Variants in SP4 observed in about 807,000 individuals in gnomAD.
The protein encoded by SP4 is transcription factor Sp4.
In SP4, 19 loss-of-function variants were observed where a neutral mutation model predicts 72.8. The observed-to-expected ratio is 0.26, with a 90% CI of 0.18 to 0.38. The LOEUF (loss-of-function observed/expected upper bound fraction) is 0.38. Ranked by LOEUF, SP4 falls within the 10% of genes least tolerant of loss-of-function variation. The pLI is 1.00. For synonymous variants in SP4, 395 were observed against 333.1 expected (o/e 1.19, Z -2.02); for missense variants, 1,008 against 926.3 (o/e 1.09, Z -1.14).
At chr7:21,464,901 A>G (rs756133254) in intron 3 of SP4, among the ~76,000 whole-genome samples, 14 of 152,238 alleles carry the variant, frequency 9.2e-5, no homozygotes, top group Non-Finnish European at 1.5e-4. Flanking sequence ...ACTATTTACA[A>G]TTTCACATAG....
chr7:21,461,108 C>G (rs1477623971), intron 3 of SP4, among the ~76,000 whole-genome samples: 2 of 152,224 alleles, frequency 1.3e-5, no homozygotes, highest in Non-Finnish European at 2.9e-5. Flanking sequence ...AAGTCCCCAC[C>G]AGACTCAGGA....
At chr7:21,438,855 A>G (rs968940956) in intron 3 of SP4, among the ~76,000 whole-genome samples, 12 of 152,216 alleles carry the variant, frequency 7.9e-5, no homozygotes, top group African/African-American at 2.9e-4. Context: ...CTGCTGTGGT[A>G]TCACAGTGTG....
chr7:21,453,870 A>C (rs1284659779), intron 3 of SP4, among the ~76,000 whole-genome samples: 1 of 152,182 alleles, frequency 6.6e-6, no homozygotes, highest in African/African-American at 2.4e-5. Context: ...TTAATATTTC[A>C]CACATCTGCC....
intron 2 of SP4, among the ~76,000 whole-genome samples, 190 bp from the exon 3 acceptor site, chr7:21,429,099 T>G (rs1199381572): frequency 6.6e-6 from 1 of 152,096 alleles, no homozygotes; most frequent in Non-Finnish European, 1.5e-5. Flanking sequence ...AACTTGATAT[T>G]ATAGGACTTG....
chr7:21,495,406 A>G (rs1781676168), intron 5 of SP4, among the ~76,000 whole-genome samples: 3 of 151,930 alleles, frequency 2.0e-5, no homozygotes, highest in African/African-American at 7.3e-5. Flanking sequence ...AAACAAATTT[A>G]ACAGTTTTTT....
At chr7:21,458,617 A>T (rs1326682687) in intron 3 of SP4, among the ~76,000 whole-genome samples, 1 of 152,148 alleles carries the variant, frequency 6.6e-6, no homozygotes, top group Non-Finnish European at 1.5e-5. Context: ...TTTGTGTCCA[A>T]GAAAATTAAT....
chr7:21,482,508 A>T (rs574433253), intron 5 of SP4: 1 of 312,020 alleles, frequency 3.2e-6, no homozygotes, highest in East Asian at 1.7e-4. Context: ...AATCCAGAAA[A>T]TTCACCAAAG....
intron 4 of SP4, among the ~76,000 whole-genome samples, chr7:21,478,479 T>A (rs1011851682): frequency 2.0e-5 from 3 of 148,630 alleles, no homozygotes; most frequent in African/African-American, 7.5e-5. Flanking sequence ...CCATTTAACA[T>A]TTCCATCAAT....
intron 4 of SP4, among the ~76,000 whole-genome samples, chr7:21,480,571 G>T (rs1196049679): frequency 2.0e-5 from 3 of 152,156 alleles, no homozygotes; most frequent in African/African-American, 7.2e-5. Flanking sequence ...GGTTGGTAGT[G>T]ATATCTCCTC....
chr7:21,428,302 CTCTCCCTCCCTCCCCAGACCCTGCTCGGT>C, intron 1 of SP4, 44 bp downstream of exon 1: 1 of 1,069,258 alleles, frequency 9.4e-7, no homozygotes, highest in Non-Finnish European at 1.4e-6. Context: ...CCGCCTCCCT[CTCTCCCTCCCTCCCCAGACCCTGCTCGGT>C]TCTCCCCCCT....
In SP4 at chr7:21,429,324, T is replaced by A. The variant is rs1000943488; in HGVS notation, c.159T>A (p.Ala53=). 6.2e-6 allele frequency: 10 copies of A among 1,608,906 alleles called. No homozygotes were observed. Among genetic ancestry groups the A allele is most frequent in the Non-Finnish European group, 8.5e-6 (10 of 1,177,080 alleles). ...SQPSPLALLA[A]TCSKIGTPGE... ...CCTCTCCTCTGGCTTTACTGGCAGC[T>A]ACTTGCAGCAAAATAGGGACTCCTG... is the stretch of plus-strand genomic sequence containing the variant. Residue 53 remains alanine, a synonymous_variant, in exon 3 of 6, where the codon GCT becomes GCA. Transcript: ENST00000222584.
At chr7:21,429,251 T>TCCCCCCCCC in intron 2 of SP4, 38 bp from the exon 3 acceptor site, 1 of 1,026,092 alleles carries the variant, frequency 9.7e-7, no homozygotes, top group East Asian at 2.4e-5. Context: ...CCACTTTTTT[T>TCCCCCCCCC]CCCCCCCCCC....
chr7:21,506,537 G>A (rs1293848467), intron 5 of SP4, among the ~76,000 whole-genome samples: 1 of 152,094 alleles, frequency 6.6e-6, no homozygotes, highest in South Asian at 2.1e-4. Flanking sequence ...CCTAAGTGGG[G>A]GATCTTGATG....
intron 3 of SP4, among the ~76,000 whole-genome samples, chr7:21,451,665 G>T (rs569201163): frequency 6.6e-6 from 1 of 152,308 alleles, no homozygotes; most frequent in Non-Finnish European, 1.5e-5. Flanking sequence ...CTGATGGGCA[G>T]TCTAGGAGTC....
At chr7:21,505,406 T>C (rs6461570) in intron 5 of SP4, among the ~76,000 whole-genome samples, 42,182 of 152,134 alleles carry the variant, frequency 0.28, 6,011 homozygotes, top group Middle Eastern at 0.48. Context: ...AATTAAAAGA[T>C]TATCTATGTA....
chr7:21,495,372 C>A (rs1785083061), intron 5 of SP4, among the ~76,000 whole-genome samples: 1 of 151,570 alleles, frequency 6.6e-6, no homozygotes, highest in Non-Finnish European at 1.5e-5. Flanking sequence ...TGCTGAACAC[C>A]TTAAGAAGTT....
At chr7:21,469,827 C>T (rs943685138) in intron 3 of SP4, among the ~76,000 whole-genome samples, 4 of 152,004 alleles carry the variant, frequency 2.6e-5, no homozygotes, top group Non-Finnish European at 5.9e-5. Context: ...GCTGCAATTA[C>T]AGTCATGAGC....
intron 5 of SP4, among the ~76,000 whole-genome samples, chr7:21,501,257 G>C (rs145970157): frequency 6.6e-6 from 1 of 152,068 alleles, no homozygotes; most frequent in Non-Finnish European, 1.5e-5. Flanking sequence ...GAGCCGTGCA[G>C]TTTGTTACAT....
intron 3 of SP4, 93 bp from the exon 4 acceptor site, chr7:21,476,986 G>C (rs1232320064): frequency 3.3e-6 from 3 of 904,558 alleles, no homozygotes; most frequent in East Asian, 2.6e-5. Flanking sequence ...CAGATTGTTA[G>C]AAAAAATTTA....
Sources: allele counts gnomAD v4.1 joint callset (sites outside exome capture counted in the v4.1 genomes callset), GRCh38; gene constraint gnomAD v4.1.1; transcripts MANE v1.5; gene names NCBI Gene and HGNC (gene_info 2026-07-23, HGNC 2026-07-21).